Variants in DLG1 observed in about 807,000 individuals in gnomAD.
DLG1 encodes disks large homolog 1.
In DLG1, 42 loss-of-function variants were observed where a neutral mutation model predicts 123.4. That is an observed-to-expected ratio of 0.34 (90% confidence interval 0.27 to 0.44). DLG1 has a LOEUF of 0.44. Among genes scored for constraint, DLG1 ranks in the 20% least tolerant of loss-of-function variants. DLG1 has a pLI of 1.00. For missense variants in DLG1, 942 were observed against 1,082.6 expected, an observed-to-expected ratio of 0.87 and a Z score of 1.82; for synonymous variants, 317 against 356.2, an observed-to-expected ratio of 0.89 and a Z score of 1.24.
intron 4 of DLG1, among the ~76,000 whole-genome samples, chr3:197,249,047 A>T (rs1022588931): frequency 6.6e-6 from 1 of 152,220 alleles, no homozygotes; most frequent in Non-Finnish European, 1.5e-5. Flanking sequence ...AAAAGCAAGA[A>T]CAAACCAAAT....
At chr3:197,241,687 TAGAG>T (rs1748955039) in intron 4 of DLG1, among the ~76,000 whole-genome samples, 1 of 152,142 alleles carries the variant, frequency 6.6e-6, no homozygotes, top group South Asian at 2.1e-4. Flanking sequence ...AATGAATTCT[TAGAG>T]GGAGGGATGA....
intron 14 of DLG1, among the ~76,000 whole-genome samples, chr3:197,099,512 T>C (rs1356946695): frequency 2.0e-5 from 3 of 152,232 alleles, no homozygotes; most frequent in African/African-American, 4.8e-5. Flanking sequence ...CCATATTTCT[T>C]GTCATGAAAC....
chr3:197,243,182 G>A (rs1243710727), intron 4 of DLG1, among the ~76,000 whole-genome samples: 5 of 152,234 alleles, frequency 3.3e-5, no homozygotes, highest in South Asian at 4.1e-4. Context: ...AACTGATTCC[G>A]ACTGACTAGA....
At chr3:197,159,031 T>TA (rs2149859983) in intron 5 of DLG1, among the ~76,000 whole-genome samples, 1 of 152,284 alleles carries the variant, frequency 6.6e-6, no homozygotes, top group East Asian at 1.9e-4. Context: ...GAAGAACTAG[T>TA]AACTGTCACC....
chr3:197,205,940 C>A (rs895333256), intron 4 of DLG1, among the ~76,000 whole-genome samples: 2 of 152,330 alleles, frequency 1.3e-5, no homozygotes, highest in African/African-American at 4.8e-5. Flanking sequence ...TGTCATCTCT[C>A]GGATTCTGTT....
Position 197,042,837 on chromosome 3 carries a change from A to G in DLG1, c.*1786T>C, listed in dbSNP as rs1455276443. 3.9e-5 allele frequency: 6 copies of G among 152,258 alleles called. No homozygotes were observed. Among genetic ancestry groups the G allele is most frequent in the Non-Finnish European group, 8.8e-5 (6 of 68,044 alleles). 9.4% of individuals were successfully genotyped at this position (152,258 alleles called of 1,614,324 possible). On this transcript the variant is annotated 3_prime_UTR_variant, in exon 25 of 25. Coordinates refer to ENST00000667157, the MANE Select transcript of DLG1 (RefSeq NM_001366207.1). ...TGCCTAACGGCTCTTGGATTCGGTT[A>G]TAAGTTACATGATGCCTCAAATTGT...
chr3:197,200,309 CTTA>C (rs1014434086), intron 4 of DLG1, among the ~76,000 whole-genome samples: 5 of 152,182 alleles, frequency 3.3e-5, no homozygotes, highest in African/African-American at 1.2e-4. Context: ...CCCTCAAATA[CTTA>C]TTATTTCAGT....
At chr3:197,239,278 G>C (rs1013286554) in intron 4 of DLG1, among the ~76,000 whole-genome samples, 13 of 151,898 alleles carry the variant, frequency 8.6e-5, no homozygotes, top group Non-Finnish European at 1.6e-4. Context: ...AAACCATGAA[G>C]AAAGAGAAAA....
intron 11 of DLG1, among the ~76,000 whole-genome samples, chr3:197,122,975 A>C (rs969700356): frequency 1.3e-5 from 2 of 152,110 alleles, no homozygotes; most frequent in African/African-American, 4.8e-5. Flanking sequence ...CAGGTGGTAC[A>C]AAGACAAATA....
chr3:197,129,891 A>G (rs1781628236), intron 11 of DLG1, among the ~76,000 whole-genome samples: 1 of 152,188 alleles, frequency 6.6e-6, no homozygotes, highest in Non-Finnish European at 1.5e-5. Flanking sequence ...GTGGCACTCC[A>G]AAACAATTAA....
At chr3:197,258,405 T>G (rs578048999) in intron 4 of DLG1, among the ~76,000 whole-genome samples, 2 of 122,000 alleles carry the variant, frequency 1.6e-5, no homozygotes, top group Non-Finnish European at 1.6e-5. Flanking sequence ...AGATTCTTCA[T>G]TGTGAAGAAC....
At chr3:197,202,105 T>A (rs933825379) in intron 4 of DLG1, among the ~76,000 whole-genome samples, 4 of 152,198 alleles carry the variant, frequency 2.6e-5, no homozygotes, top group African/African-American at 9.7e-5. Context: ...TACAGTTTAT[T>A]AATGTAGCAA....
chr3:197,147,401 T>G (rs533164633), intron 6 of DLG1, among the ~76,000 whole-genome samples: 3 of 151,560 alleles, frequency 2.0e-5, no homozygotes, highest in African/African-American at 7.3e-5. Flanking sequence ...AATACCCATT[T>G]TTCCATGAGT....
chr3:197,253,979 A>G (rs1441663509), intron 4 of DLG1, among the ~76,000 whole-genome samples: 2 of 152,202 alleles, frequency 1.3e-5, no homozygotes, highest in Non-Finnish European at 2.9e-5. Flanking sequence ...TCTAAACCCC[A>G]AAGAAAGAAG....
intron 23 of DLG1, among the ~76,000 whole-genome samples, 172 bp from the exon 24 acceptor site, chr3:197,051,840 T>A (rs904991886): frequency 5.9e-5 from 8 of 135,756 alleles, no homozygotes; most frequent in Non-Finnish European, 1.1e-4. Flanking sequence ...GGAATTTTTT[T>A]TTTTTTTTTT....
intron 4 of DLG1, among the ~76,000 whole-genome samples, chr3:197,239,789 G>A (rs1215485746): frequency 1.4e-5 from 2 of 145,726 alleles, no homozygotes; most frequent in Non-Finnish European, 3.0e-5. Flanking sequence ...GTTATTACCA[G>A]GAATATCCCA....
At chr3:197,246,763 G>C (rs407824) in intron 4 of DLG1, among the ~76,000 whole-genome samples, 114,922 of 152,044 alleles carry the variant, frequency 0.76, 43,545 homozygotes, top group East Asian at 0.81. Flanking sequence ...TGTTTTAGCT[G>C]CTCAACCTAG....
Position 197,138,209 on chromosome 3 carries a change from A to C in DLG1, c.883+13T>G. 1 of 1,479,006 alleles carries C rather than the reference A, an allele frequency of 6.8e-7. No individual in the cohort carries two copies. The highest frequency in any genetic ancestry group is 9.1e-7 in the Non-Finnish European group (1 of 1,099,172). The allele number at this position is 1,479,006 out of a possible 1,614,324, so 91.6% of individuals were successfully genotyped here. On this transcript the variant is annotated intron_variant, in intron 9 of 24. Transcript: ENST00000667157. Reference sequence around the variant, plus strand: ...TTTCTTAAAGATTTATCTTAGTTTGACTTACCACATACCTTTAGGACCTTT... The same window carrying C: ...TTTCTTAAAGATTTATCTTAGTTTGCCTTACCACATACCTTTAGGACCTTT...
intron 24 of DLG1, among the ~76,000 whole-genome samples, chr3:197,049,014 T>C (rs1023160673): frequency 6.6e-6 from 1 of 152,046 alleles, no homozygotes; most frequent in Admixed American, 6.6e-5. Context: ...CTACTCGATA[T>C]ATATACAAAG....
Sources: allele counts gnomAD v4.1 joint callset (sites outside exome capture counted in the v4.1 genomes callset), GRCh38; gene constraint gnomAD v4.1.1; transcripts MANE v1.5; gene names NCBI Gene and HGNC (gene_info 2026-07-23, HGNC 2026-07-21).